Variants in TAF4B observed in about 807,000 individuals in gnomAD.
TAF4B encodes the protein TATA-box binding protein associated factor 4b.
In TAF4B, 38 loss-of-function variants were observed where a neutral mutation model predicts 86.4. The observed-to-expected ratio is 0.44, with a 90% CI of 0.34 to 0.58. The LOEUF is 0.58. Among genes scored for constraint, TAF4B ranks in the 20% least tolerant of loss-of-function variants. The pLI, the probability that TAF4B is intolerant of heterozygous loss-of-function variation, is 0.02. For synonymous variants in TAF4B, 388 were observed against 391.2 expected (o/e 0.99, Z 0.10); for missense variants, 988 against 1,027.6 (o/e 0.96, Z 0.53).
At chr18:26,246,249 G>T (rs1182472985) in intron 1 of TAF4B, among the ~76,000 whole-genome samples, 1 of 152,124 alleles carries the variant, frequency 6.6e-6, no homozygotes, top group Non-Finnish European at 1.5e-5. Flanking sequence ...CCAGTGTATG[G>T]GTTTGTTACT....
In TAF4B at chr18:26,241,312, G is replaced by A. The variant is rs538271872; in HGVS notation, c.343+14036G>A. Among the ~76,000 whole-genome samples, 17 of 152,264 alleles carry A rather than the reference G, an allele frequency of 1.1e-4. No homozygotes were observed. In the South Asian group the frequency reaches 3.1e-3, roughly 28 times the overall value. On this transcript the variant is annotated intron_variant, in intron 1 of 14. Transcript: ENST00000269142. The stretch of plus-strand genomic sequence containing the variant: ...TCAACTTCTTCCTGGTTTAGTCTTG[G>A]GAGGGTGTATGTGTCCAGGAATTTA...
At position 26,227,255 on chromosome 18, in the gene TAF4B, G is replaced by A. The variant is rs1474178475; in HGVS notation, c.322G>A (p.Ala108Thr). 6.2e-7 allele frequency: 1 copy of A among 1,612,988 alleles called. No homozygotes were observed. Among genetic ancestry groups the A allele is most frequent in the South Asian group, 1.1e-5 (1 of 90,900 alleles). The change falls in exon 1 of 15, where the codon GCT becomes ACT. Residue 108 changes from alanine to threonine, a missense_variant. Ala to Thr is a moderately conservative substitution (Grantham distance 58, BLOSUM62 0). Around this residue, in one of 3 missense-constraint regions of TAF4B, gnomAD observed 747 missense variants for 737.9 expected, o/e 1.01. Coordinates refer to ENST00000269142, the MANE Select transcript of TAF4B (RefSeq NM_005640.3). The stretch of plus-strand genomic sequence containing the variant: ...CAACACCACGACAATCCAGTTTCCT[G>A]CTAATTTGCAGCTTCCTCCAGGTAT... ...APNTTTIQFP[A>T]NLQLPPGTVL...
Position 26,226,880 on chromosome 18 carries a change from C to T in TAF4B, c.-54C>T, listed in dbSNP as rs1006652468. On this transcript the variant is annotated 5_prime_UTR_variant, in exon 1 of 15. Coordinates refer to ENST00000269142, the MANE Select transcript of TAF4B (RefSeq NM_005640.3). ...TCGGCTGCCGCGCGCCAAGCCTCCCCTCACCTCTGCTCCCGGAACCGCAGC... is the reference window on the plus strand; with the variant it reads ...TCGGCTGCCGCGCGCCAAGCCTCCCTTCACCTCTGCTCCCGGAACCGCAGC... The T allele has an allele frequency of 1.5e-6, 2 of 1,315,400 alleles. No homozygotes were observed. Among genetic ancestry groups the T allele is most frequent in the East Asian group, 3.1e-5 (1 of 31,896 alleles). The allele number at this position is 1,315,400 out of a possible 1,614,324, so 81.5% of individuals were successfully genotyped here.
intron 14 of TAF4B, among the ~76,000 whole-genome samples, chr18:26,367,657 T>C (rs2057380637): frequency 6.6e-6 from 1 of 152,212 alleles, no homozygotes; most frequent in African/African-American, 2.4e-5. Context: ...GGGTAACCCT[T>C]AGCCCAGTCA....
At chr18:26,344,643 T>A (rs553312185) in intron 13 of TAF4B, among the ~76,000 whole-genome samples, 1 of 152,320 alleles carries the variant, frequency 6.6e-6, no homozygotes, top group South Asian at 2.1e-4. Context: ...GAAAACATAA[T>A]AGGCTATTCT....
chr18:26,255,792 T>G (rs1348585230), intron 1 of TAF4B: 34 of 1,502,556 alleles, frequency 2.3e-5, no homozygotes, highest in Non-Finnish European at 3.1e-5. Flanking sequence ...CTTGAAGAGA[T>G]GTGTGTCAAT....
chr18:26,239,567 G>A (rs952570559), intron 1 of TAF4B, among the ~76,000 whole-genome samples: 1 of 152,182 alleles, frequency 6.6e-6, no homozygotes, highest in Non-Finnish European at 1.5e-5. Context: ...AGTTTCTTAT[G>A]CTGTGCAGAA....
chr18:26,261,148 A>G (rs981723618), intron 1 of TAF4B, among the ~76,000 whole-genome samples: 1 of 148,472 alleles, frequency 6.7e-6, no homozygotes, highest in African/African-American at 2.5e-5. Context: ...TTTAGAGGGC[A>G]CATCCTTGAA....
At chr18:26,264,593 G>T (rs901454518) in intron 1 of TAF4B, among the ~76,000 whole-genome samples, 1 of 152,228 alleles carries the variant, frequency 6.6e-6, no homozygotes, top group Non-Finnish European at 1.5e-5. Flanking sequence ...GCAGTTTCAA[G>T]AGAGGATTGA....
At chr18:26,303,994 GTTA>G (rs902610191) in intron 9 of TAF4B, among the ~76,000 whole-genome samples, 4 of 151,616 alleles carry the variant, frequency 2.6e-5, no homozygotes, top group Non-Finnish European at 5.9e-5. Flanking sequence ...CTTTCTTGTT[GTTA>G]TTATAAGTAA....
intron 13 of TAF4B, among the ~76,000 whole-genome samples, chr18:26,345,157 A>AATCAAC (rs1437565136): frequency 6.6e-6 from 1 of 152,080 alleles, no homozygotes; most frequent in East Asian, 1.9e-4. Flanking sequence ...CCTACAGATA[A>AATCAAC]GCTCCTGGTC....
In TAF4B at chr18:26,261,353, A is replaced by G. The variant is rs529732801; in HGVS notation, c.344-3817A>G. ...GTAGCTGGGACTACAGGCGCCCGCC[A>G]CTACGCCCGGCTAATTTTTTGTATT... On this transcript the variant is annotated intron_variant, in intron 1 of 14. Transcript: ENST00000269142. Among the ~76,000 whole-genome samples the G allele has an allele frequency of 5.3e-5, 8 of 151,268 alleles. No homozygotes were observed. The East Asian group carries it at 1.2e-3, about 22-fold the overall frequency.
chr18:26,256,320 A>G (rs545830612), intron 1 of TAF4B: 4 of 1,451,290 alleles, frequency 2.8e-6, no homozygotes, highest in South Asian at 2.3e-5. Flanking sequence ...GCAGCCCTCT[A>G]TACTTCGGTA....
Position 26,346,881 on chromosome 18 carries a change from A to ATG in TAF4B, c.2317-10808_2317-10807insGT, listed in dbSNP as rs1555623700. On this transcript the variant is annotated intron_variant, in intron 13 of 14. Coordinates refer to ENST00000269142, the MANE Select transcript of TAF4B (RefSeq NM_005640.3). ...TATGTGTATATATATATATGTGTAT[A>ATG]TATATATATATATATATATGTGTGT... Among the ~76,000 whole-genome samples the ATG allele has an allele frequency of 2.5e-4, 2 of 8,020 alleles. 1 individual carries two copies. Among genetic ancestry groups the ATG allele is most frequent in the Admixed American group, 4.3e-3 (2 of 464 alleles). 5.3% of individuals were successfully genotyped at this position (8,020 alleles called of 152,430 possible). A position where few individuals can be genotyped will look rare whatever the true frequency, so the allele number is the denominator to read the frequency against.
At chr18:26,292,164 A>T in intron 7 of TAF4B, 82 bp from the exon 8 acceptor site, 1 of 1,473,018 alleles carries the variant, frequency 6.8e-7, no homozygotes, top group Non-Finnish European at 9.1e-7. Flanking sequence ...GGGGGAACAC[A>T]ATCTGTTGTT....
At chr18:26,267,424 T>C (rs2056254540) in intron 2 of TAF4B, 92 bp from the exon 3 acceptor site, 2 of 800,782 alleles carry the variant, frequency 2.5e-6, no homozygotes, top group Admixed American at 3.9e-5. Flanking sequence ...ATACATTTGC[T>C]GTCATAAAGT....
At chr18:26,358,493 A>T (rs958579123) in intron 14 of TAF4B, among the ~76,000 whole-genome samples, 7 of 152,230 alleles carry the variant, frequency 4.6e-5, no homozygotes, top group Non-Finnish European at 8.8e-5. Context: ...GGCGGATCAC[A>T]AGGTCAGGAG....
chr18:26,257,334 C>T (rs2056099401), intron 1 of TAF4B, among the ~76,000 whole-genome samples: 1 of 152,082 alleles, frequency 6.6e-6, no homozygotes, highest in African/African-American at 2.4e-5. Context: ...TTCTTTATCT[C>T]TTGTTTAAAG....
chr18:26,351,026 A>G (rs1348249484), intron 13 of TAF4B, among the ~76,000 whole-genome samples: 2 of 152,212 alleles, frequency 1.3e-5, no homozygotes, highest in Non-Finnish European at 2.9e-5. Context: ...GTACTGAGAA[A>G]AGAAATCAGT....
Sources: allele counts gnomAD v4.1 joint callset (sites outside exome capture counted in the v4.1 genomes callset), GRCh38; gene constraint gnomAD v4.1.1; regional missense constraint gnomAD v4.1.1; transcripts MANE v1.5; gene names NCBI Gene and HGNC (gene_info 2026-07-23, HGNC 2026-07-21).